The following CASP9 variants were observed in gnomAD, a reference collection of about 807,000 sequenced individuals.
The protein encoded by CASP9 is caspase 9.
CASP9 carries 29 observed loss-of-function variants against 43.5 expected under a neutral mutation model. That is an observed-to-expected ratio of 0.67 (90% CI 0.50 to 0.91). The LOEUF (loss-of-function observed/expected upper bound fraction) is 0.91. Among genes scored for constraint, CASP9 ranks in the 40% least tolerant of loss-of-function variants. CASP9 has a pLI of 0.00. For synonymous variants in CASP9, 206 were observed against 211.9 expected (o/e 0.97, Z 0.24); for missense variants, 575 against 537.4 (o/e 1.07, Z -0.69).
intron 1 of CASP9, among the ~76,000 whole-genome samples, chr1:15,523,190 C>T (rs1425353665): frequency 1.3e-5 from 2 of 152,218 alleles, no homozygotes; most frequent in African/African-American, 2.4e-5. Flanking sequence ...ATTTCCAAAA[C>T]CTCTTAACAA....
intron 6 of CASP9, among the ~76,000 whole-genome samples, chr1:15,501,821 G>A (rs896281698): frequency 1.3e-5 from 2 of 152,064 alleles, no homozygotes; most frequent in Non-Finnish European, 2.9e-5. Flanking sequence ...ACTCAGGCCG[G>A]AGTGCAATAG....
chr1:15,497,394 C>T (rs6429747), intron 6 of CASP9, among the ~76,000 whole-genome samples: 45,918 of 151,376 alleles, frequency 0.3, 7,316 homozygotes, highest in East Asian at 0.53. Context: ...CCTGTAATCC[C>T]AGCACTTTGG....
chr1:15,499,153 A>C (rs966216243), intron 6 of CASP9, among the ~76,000 whole-genome samples: 7 of 152,194 alleles, frequency 4.6e-5, no homozygotes, highest in African/African-American at 1.7e-4. Flanking sequence ...AGATAAGTTA[A>C]GGGGTTTCCC....
At chr1:15,511,205 A>G (rs6429748) in intron 2 of CASP9, among the ~76,000 whole-genome samples, 90,827 of 152,078 alleles carry the variant, frequency 0.6, 28,000 homozygotes, top group African/African-American at 0.74. Context: ...CTCAGGGCCA[A>G]GGCTGGTTTC....
intron 1 of CASP9, among the ~76,000 whole-genome samples, chr1:15,521,344 G>C (rs1218145951): frequency 1.3e-5 from 2 of 151,136 alleles, no homozygotes; most frequent in Non-Finnish European, 2.9e-5. Flanking sequence ...CCAGCTTCTT[G>C]TGGGAGGCTG....
chr1:15,520,656 G>A lies in CASP9; in HGVS notation c.133-2261C>T, dbSNP rs151331312. Reference sequence around the variant, plus strand: ...GGAGACACCCATTACTTAGCAGACCGCGAAGGGGAGTCTCCTGCCAGGCGC... The same window carrying A: ...GGAGACACCCATTACTTAGCAGACCACGAAGGGGAGTCTCCTGCCAGGCGC... On this transcript the variant is annotated intron_variant, in intron 1 of 8. Coordinates refer to ENST00000333868, the MANE Select transcript of CASP9 (RefSeq NM_001229.5). 2.8e-3 allele frequency among the ~76,000 whole-genome samples: 421 copies of A among 152,320 alleles called. 3 individuals carry two copies. The highest frequency in any genetic ancestry group is 9.3e-3 in the African/African-American group (385 of 41,574).
intron 1 of CASP9, among the ~76,000 whole-genome samples, chr1:15,522,872 G>C (rs911199724): frequency 6.6e-6 from 1 of 152,250 alleles, no homozygotes; most frequent in African/African-American, 2.4e-5. Context: ...CTGAAGGCAA[G>C]GACTGTGGCC....
At chr1:15,518,016 A>C in intron 2 of CASP9, 94 bp downstream of exon 2, 1 of 1,386,914 alleles carries the variant, frequency 7.2e-7, no homozygotes, top group East Asian at 2.3e-5. Context: ...TGCTAAAATT[A>C]AATTCTGAAT....
chr1:15,495,342 C>A lies in CASP9; in HGVS notation c.979G>T (p.Asp327Tyr), dbSNP rs200705927. 1 of 1,609,896 alleles carries A rather than the reference C, an allele frequency of 6.2e-7. No homozygotes were observed. The highest frequency in any genetic ancestry group is 1.1e-5 in the South Asian group (1 of 90,266). The change falls in exon 7 of 9, where the codon GAC becomes TAC. Residue 327 changes from aspartate to tyrosine, a missense_variant. Asp to Tyr is a radical substitution (Grantham distance 160, BLOSUM62 -3). Coordinates refer to ENST00000333868, the MANE Select transcript of CASP9 (RefSeq NM_001229.5). The part of the protein sequence containing the change: ...TPFQEGLRTF[D>Y]QLDAISSLPT... Reference sequence around the variant, plus strand: ...AAACTAGATATGGCGTCCAGCTGGTCGAAGGTCCTCAAACCTTCCTGGAAC... The same window carrying A: ...AAACTAGATATGGCGTCCAGCTGGTAGAAGGTCCTCAAACCTTCCTGGAAC...
At chr1:15,493,355 C>G (rs1708964464) in intron 8 of CASP9, 3 of 1,244,428 alleles carry the variant, frequency 2.4e-6, no homozygotes, top group Non-Finnish European at 3.0e-6. Context: ...TGCTGCCTCC[C>G]AAGGCAGCCA....
chr1:15,523,960 C>T, intron 1 of CASP9, 109 bp downstream of exon 1: 1 of 792,098 alleles, frequency 1.3e-6, no homozygotes, highest in South Asian at 1.9e-5. Context: ...TTCTTTGGCT[C>T]CGCTGAGGGG....
At chr1:15,501,818 C>A (rs1056317873) in intron 6 of CASP9, among the ~76,000 whole-genome samples, 12 of 152,030 alleles carry the variant, frequency 7.9e-5, no homozygotes, top group Non-Finnish European at 5.9e-5. Flanking sequence ...GTCACTCAGG[C>A]CGGAGTGCAA....
Position 15,491,538 on chromosome 1 carries a change from G to A in CASP9, c.*1405C>T, listed in dbSNP as rs1434136996. 2.4e-5 allele frequency: 13 copies of A among 538,446 alleles called. No homozygotes were observed. The highest frequency in any genetic ancestry group is 5.0e-4 in the Middle Eastern group (1 of 2,016). 33.4% of individuals were successfully genotyped at this position (538,446 alleles called of 1,614,324 possible). A position where few individuals can be genotyped will look rare whatever the true frequency, so the allele number is the denominator to read the frequency against. ...TTTGGGAGGCTAAGGCAGGCTGATC[G>A]CTTGAGTCCAGGAGTTCAAGACCAG... On this transcript the variant is annotated 3_prime_UTR_variant, in exon 9 of 9. Transcript: ENST00000333868.
At position 15,494,021 on chromosome 1, in the gene CASP9, G is replaced by A. The variant is rs1370674997; in HGVS notation, c.1049-20C>T. 2 of 1,559,622 alleles carry A rather than the reference G, an allele frequency of 1.3e-6. No homozygotes were observed. Among genetic ancestry groups the A allele is most frequent in the East Asian group, 4.7e-5 (2 of 42,124 alleles). ...CAAAACCTTTGGAGGGAGGAGGGCTGAACACTGCTGGAGAGCCACCCCTCC... is the reference window on the plus strand; with the variant it reads ...CAAAACCTTTGGAGGGAGGAGGGCTAAACACTGCTGGAGAGCCACCCCTCC... On this transcript the variant is annotated intron_variant, in intron 7 of 8. Transcript: ENST00000333868.
At chr1:15,493,547 A>G (rs1027878479) in intron 8 of CASP9, 2 of 1,403,968 alleles carry the variant, frequency 1.4e-6, no homozygotes, top group South Asian at 1.7e-5. Flanking sequence ...TGATGCCCAC[A>G]GGATATAGGG....
chr1:15,505,897 G>A, intron 5 of CASP9, 93 bp downstream of exon 5: 1 of 1,010,524 alleles, frequency 9.9e-7, no homozygotes, highest in South Asian at 1.3e-5. Flanking sequence ...AGCCAAGGGT[G>A]TTTTGGACAC....
chr1:15,499,027 G>A (rs930344232), intron 6 of CASP9, among the ~76,000 whole-genome samples: 1 of 152,080 alleles, frequency 6.6e-6, no homozygotes. Flanking sequence ...GTGAGCCACC[G>A]CCCCTGGCCA....
intron 2 of CASP9, among the ~76,000 whole-genome samples, chr1:15,509,354 G>T (rs1468610296): frequency 6.6e-6 from 1 of 151,810 alleles, no homozygotes; most frequent in Non-Finnish European, 1.5e-5. Flanking sequence ...GCCAGGTGCG[G>T]TGGCTCACGC....
chr1:15,524,900 C>T (rs1209172134), upstream of CASP9: 18 of 382,168 alleles, frequency 4.7e-5, no homozygotes, highest in South Asian at 1.2e-3. Context: ...CACCGCCCCG[C>T]CCCCAGGATT....
Sources: allele counts gnomAD v4.1 joint callset (sites outside exome capture counted in the v4.1 genomes callset), GRCh38; gene constraint gnomAD v4.1.1; transcripts MANE v1.5; gene names NCBI Gene and HGNC (gene_info 2026-07-23, HGNC 2026-07-21).